CISD1: variants seen among roughly 807,000 people sequenced by gnomAD.
The protein encoded by CISD1 is CDGSH iron-sulfur domain-containing protein 1.
A neutral mutation model predicts 12.0 loss-of-function variants in CISD1; 8 were observed. The ratio of observed to expected loss-of-function variants is 0.67; its 90% CI spans 0.39 to 1.20. The LOEUF (loss-of-function observed/expected upper bound fraction) is 1.20, where lower values mean the gene tolerates loss of function less well. Among genes scored for constraint, CISD1 ranks in the 50% most tolerant of loss-of-function variants. CISD1 has a pLI of 0.01. For synonymous variants in CISD1, 38 were observed against 42.2 expected, an observed-to-expected ratio of 0.90 and a Z score of 0.39; for missense variants, 107 against 132.7, an observed-to-expected ratio of 0.81 and a Z score of 0.95.
At chr10:58,269,425 A>C (rs1839214760) in intron 1 of CISD1, 121 bp downstream of exon 1, 2 of 884,270 alleles carry the variant, frequency 2.3e-6, no homozygotes, top group Admixed American at 4.9e-5. Context: ...CTTGAGATGC[A>C]GAAGGGCAAG....
chr10:58,273,648 T>C (rs981927362), intron 1 of CISD1, among the ~76,000 whole-genome samples: 3 of 152,258 alleles, frequency 2.0e-5, no homozygotes, highest in East Asian at 3.9e-4. Flanking sequence ...CCAAAGATTA[T>C]ACAATAGTAC....
At chr10:58,283,656 ATGT>A (rs1839396966) in intron 2 of CISD1, among the ~76,000 whole-genome samples, 2 of 152,334 alleles carry the variant, frequency 1.3e-5, no homozygotes, top group South Asian at 2.1e-4. Flanking sequence ...TTAAAAAGAA[ATGT>A]TGTGTTTTTA....
At chr10:58,271,403 A>G (rs1179704502) in intron 1 of CISD1, among the ~76,000 whole-genome samples, 3 of 152,304 alleles carry the variant, frequency 2.0e-5, no homozygotes, top group Admixed American at 6.5e-5. Flanking sequence ...AGAGGCCCAA[A>G]GCCTTTGTAA....
chr10:58,284,254 T>C (rs1205270818), intron 2 of CISD1, among the ~76,000 whole-genome samples: 1 of 151,988 alleles, frequency 6.6e-6, no homozygotes, highest in Non-Finnish European at 1.5e-5. Context: ...AAGGATCCCT[T>C]GAGCCTGGGA....
At chr10:58,274,489 G>C (rs1332896863) in intron 1 of CISD1, among the ~76,000 whole-genome samples, 4 of 63,710 alleles carry the variant, frequency 6.3e-5, no homozygotes, top group Non-Finnish European at 1.1e-4. Flanking sequence ...TGTTGCATTT[G>C]TCCCTAATGA....
chr10:58,287,728 C>A lies in CISD1; in HGVS notation c.*78C>A. Reference sequence around the variant, plus strand: ...TAATTAGAATGACTACCACCTCTGTCTGATTCACCTTCGCTGGATTCTAAA... The same window carrying A: ...TAATTAGAATGACTACCACCTCTGTATGATTCACCTTCGCTGGATTCTAAA... On this transcript the variant is annotated 3_prime_UTR_variant, in exon 3 of 3. Coordinates refer to ENST00000333926, the MANE Select transcript of CISD1 (RefSeq NM_018464.5). 1.2e-6 allele frequency: 1 copy of A among 833,062 alleles called. No homozygotes were observed. 51.6% of individuals were successfully genotyped at this position (833,062 alleles called of 1,614,324 possible). A position where few individuals can be genotyped will look rare whatever the true frequency, so the allele number is the denominator to read the frequency against.
At chr10:58,286,152 T>C (rs1239262569) in intron 2 of CISD1, among the ~76,000 whole-genome samples, 4 of 145,794 alleles carry the variant, frequency 2.7e-5, no homozygotes, top group African/African-American at 7.6e-5. Flanking sequence ...TTGCAGTGAG[T>C]CGAGATCGCG....
rs530545136 is a variant in CISD1, at chr10:58,269,241, T to C, written c.-33T>C. On this transcript the variant is annotated 5_prime_UTR_variant, in exon 1 of 3. Coordinates refer to ENST00000333926, the MANE Select transcript of CISD1 (RefSeq NM_018464.5). ...CGCGCGAACCCGTTTGAGCTCGGTA[T>C]CCTAGTGCACACGCCTTGCAAGCGA... The C allele has an allele frequency of 6.2e-7, 1 of 1,605,652 alleles. No homozygotes were observed. The highest frequency in any genetic ancestry group is 1.1e-5 in the South Asian group (1 of 91,030).
At chr10:58,286,222 TA>T (rs959400144) in intron 2 of CISD1, among the ~76,000 whole-genome samples, 6 of 142,370 alleles carry the variant, frequency 4.2e-5, no homozygotes, top group South Asian at 2.2e-4. Flanking sequence ...AAAAAAAAAG[TA>T]AAAAAAAGAA....
intron 2 of CISD1, among the ~76,000 whole-genome samples, chr10:58,277,579 G>A (rs534644491): frequency 1.3e-5 from 2 of 148,496 alleles, no homozygotes; most frequent in South Asian, 4.3e-4. Flanking sequence ...CACCACGTGT[G>A]ACCTGTTATA....
Position 58,277,117 on chromosome 10 carries a change from T to C in CISD1, c.32T>C (p.Val11Ala), listed in dbSNP as rs1839323343. 1.3e-6 allele frequency: 2 copies of C among 1,587,048 alleles called. No individual in the cohort carries two copies. The highest frequency in any genetic ancestry group is 1.7e-6 in the Non-Finnish European group (2 of 1,165,206). Reference sequence around the variant, plus strand: ...TATTTGTTTTCCTTCCCTGCTCTAGTTGAATGGATCGCAGCAGTTACCATT... The same window carrying C: ...TATTTGTTTTCCTTCCCTGCTCTAGCTGAATGGATCGCAGCAGTTACCATT... MSLTSSSSVR[V>A]EWIAAVTIAA... The change falls in exon 2 of 3, where the codon GTT becomes GCT. Residue 11 changes from valine to alanine, a missense_variant and splice_region_variant. Transcript: ENST00000333926.
intron 1 of CISD1, among the ~76,000 whole-genome samples, chr10:58,270,886 CAG>C (rs1002164577): frequency 3.7e-4 from 56 of 152,210 alleles, no homozygotes; most frequent in African/African-American, 1.3e-3. Context: ...TTTTTTGAGA[CAG>C]AGTCTCACTC....
intron 1 of CISD1, 35 bp downstream of exon 1, chr10:58,269,339 A>G (rs1839210542): frequency 6.3e-7 from 1 of 1,595,250 alleles, no homozygotes; most frequent in African/African-American, 1.3e-5. Context: ...GAGGCTGGTG[A>G]GGCTCAGCGG....
At chr10:58,280,341 A>G (rs1279967308) in intron 2 of CISD1, among the ~76,000 whole-genome samples, 3 of 152,212 alleles carry the variant, frequency 2.0e-5, no homozygotes, top group Non-Finnish European at 4.4e-5. Flanking sequence ...CAGAGACATA[A>G]AAGATTTCGG....
At chr10:58,279,484 G>A (rs1182487451) in intron 2 of CISD1, among the ~76,000 whole-genome samples, 1 of 152,080 alleles carries the variant, frequency 6.6e-6, no homozygotes, top group African/African-American at 2.4e-5. Flanking sequence ...AATAAATCCA[G>A]TGATAAAGTA....
At chr10:58,273,049 G>GT (rs1839267130) in intron 1 of CISD1, among the ~76,000 whole-genome samples, 1 of 152,010 alleles carries the variant, frequency 6.6e-6, no homozygotes, top group South Asian at 2.1e-4. Context: ...CCATAATAAA[G>GT]TTTTTTTAAA....
At chr10:58,286,597 T>G (rs963550113) in intron 2 of CISD1, among the ~76,000 whole-genome samples, 4 of 152,238 alleles carry the variant, frequency 2.6e-5, no homozygotes, top group Non-Finnish European at 5.9e-5. Context: ...ATGATATGTT[T>G]TTTTAACACA....
At chr10:58,269,937 T>C (rs1294311095) in intron 1 of CISD1, among the ~76,000 whole-genome samples, 1 of 152,200 alleles carries the variant, frequency 6.6e-6, no homozygotes, top group Non-Finnish European at 1.5e-5. Context: ...TACCTAGCGT[T>C]TGGAAACAGT....
At chr10:58,284,542 C>A (rs990827605) in intron 2 of CISD1, among the ~76,000 whole-genome samples, 13 of 152,012 alleles carry the variant, frequency 8.6e-5, no homozygotes, top group African/African-American at 2.2e-4. Context: ...TAACAAATAA[C>A]CAGGATAAAC....
Sources: allele counts gnomAD v4.1 joint callset (sites outside exome capture counted in the v4.1 genomes callset), GRCh38; gene constraint gnomAD v4.1.1; transcripts MANE v1.5; gene names NCBI Gene and HGNC (gene_info 2026-07-23, HGNC 2026-07-21).